QTGAL: variants seen among roughly 807,000 people sequenced by gnomAD.
QTGAL encodes the protein queuosine-tRNA galactosyltransferase, also known as BGnT-like protein 1.
chr17:82,968,052 C>T, the QTGAL span, among the ~76,000 whole-genome samples: 2 of 152,210 alleles, frequency 1.3e-5, no homozygotes, highest in African/African-American at 4.8e-5. Context: ...CAGGCAGGCT[C>T]TTAGAGAGTT....
chr17:82,999,431 A>T, the QTGAL span, among the ~76,000 whole-genome samples: 3 of 152,216 alleles, frequency 2.0e-5, no homozygotes, highest in African/African-American at 7.2e-5. Context: ...CCCCTGAACA[A>T]TGTGGGGGTT....
the QTGAL span, among the ~76,000 whole-genome samples, chr17:82,958,854 GT>G: frequency 8.7e-6 from 1 of 115,018 alleles, no homozygotes. Context: ...TACACTGGGG[GT>G]GTATGGTGTG....
the QTGAL span, among the ~76,000 whole-genome samples, chr17:83,035,715 A>T: frequency 6.6e-6 from 1 of 152,160 alleles, no homozygotes; most frequent in Non-Finnish European, 1.5e-5. Context: ...TCCTGGGAAT[A>T]TTTTTTTAAA....
chr17:82,961,239 G>A, the QTGAL span: 100 of 1,569,240 alleles, frequency 6.4e-5, no homozygotes, highest in Admixed American at 1.5e-4. Flanking sequence ...TGCCTGCCCC[G>A]GATGCACACT....
chr17:82,986,967 T>C, the QTGAL span, among the ~76,000 whole-genome samples: 1 of 152,160 alleles, frequency 6.6e-6, no homozygotes, highest in South Asian at 2.1e-4. Context: ...AACCTGACCA[T>C]ACCCCCACGA....
chr17:82,951,958 C>CACGTGGAGATGGGGAG, the QTGAL span, among the ~76,000 whole-genome samples: 66 of 151,960 alleles, frequency 4.3e-4, no homozygotes, highest in Middle Eastern at 3.4e-3. Flanking sequence ...CGAGAATTAA[C>CACGTGGAGATGGGGAG]ACGTGGAGAT....
At chr17:82,990,898 G>T in the QTGAL span, among the ~76,000 whole-genome samples, 1 of 152,088 alleles carries the variant, frequency 6.6e-6, no homozygotes, top group African/African-American at 2.4e-5. Flanking sequence ...AGAAAAGGTG[G>T]GTGTCTGCAA....
chr17:83,044,992 C>A, the QTGAL span, among the ~76,000 whole-genome samples: 1 of 150,858 alleles, frequency 6.6e-6, no homozygotes, highest in African/African-American at 2.4e-5. Context: ...AGAAGCAAAA[C>A]TATCTCTACT....
chr17:82,963,173 C>G, the QTGAL span, among the ~76,000 whole-genome samples: 2 of 152,210 alleles, frequency 1.3e-5, no homozygotes, highest in Non-Finnish European at 2.9e-5. Flanking sequence ...GCACCCAGAA[C>G]TGCCTGGAGG....
At chr17:82,995,230 G>A in the QTGAL span, among the ~76,000 whole-genome samples, 24 of 152,196 alleles carry the variant, frequency 1.6e-4, no homozygotes, top group Non-Finnish European at 2.8e-4. Flanking sequence ...AAATTGGAAA[G>A]GAAGAAGTCA....
At chr17:82,980,685 T>TAG in the QTGAL span, among the ~76,000 whole-genome samples, 40 of 152,216 alleles carry the variant, frequency 2.6e-4, no homozygotes, top group African/African-American at 9.2e-4. Context: ...GGAAGTGGTG[T>TAG]AGACGGTCTA....
the QTGAL span, among the ~76,000 whole-genome samples, chr17:83,015,307 A>G: frequency 6.6e-6 from 1 of 152,368 alleles, no homozygotes; most frequent in South Asian, 2.1e-4. The surrounding 1 kb of genome is among the most constrained non-coding windows in gnomAD (Gnocchi z 4.4). Flanking sequence ...CTGAAGATGC[A>G]CTTCCCTAAG....
chr17:83,007,093 AC>A, the QTGAL span: 1 of 596,422 alleles, frequency 1.7e-6, no homozygotes, highest in Non-Finnish European at 2.1e-6. Flanking sequence ...CCGTCTGTAC[AC>A]CCTCCTTAGT....
the QTGAL span, chr17:82,965,800 C>A: frequency 6.7e-7 from 1 of 1,497,286 alleles, no homozygotes; most frequent in Non-Finnish European, 9.2e-7. Flanking sequence ...TTGTCACAAA[C>A]AACCTGCAGT....
the QTGAL span, among the ~76,000 whole-genome samples, chr17:83,009,241 G>A: frequency 6.6e-6 from 1 of 152,046 alleles, no homozygotes; most frequent in Admixed American, 6.5e-5. Flanking sequence ...GACCAACATG[G>A]TGAAACCCTA....
At chr17:82,960,196 C>T in the QTGAL span, among the ~76,000 whole-genome samples, 1 of 152,162 alleles carries the variant, frequency 6.6e-6, no homozygotes, top group Non-Finnish European at 1.5e-5. Flanking sequence ...GCCCTCCTGC[C>T]AACCCCCCAG....
the QTGAL span, among the ~76,000 whole-genome samples, chr17:83,050,767 G>A: frequency 7.2e-5 from 11 of 152,226 alleles, no homozygotes; most frequent in Non-Finnish European, 1.6e-4. Context: ...ACGTGTTTGG[G>A]GTAAGTGTGC....
the QTGAL span, chr17:83,051,747 T>A: frequency 4.0e-6 from 6 of 1,497,210 alleles, no homozygotes; most frequent in Non-Finnish European, 5.3e-6. Flanking sequence ...CACGTGGGCC[T>A]GCATGGCCTG....
At chr17:83,049,272 AAAC>A in the QTGAL span, 1 of 153,674 alleles carries the variant, frequency 6.5e-6, no homozygotes, top group Admixed American at 6.5e-5. Context: ...AAACAAAACA[AAAC>A]AAAAAAACTG....
Sources: allele counts gnomAD v4.1 joint callset (sites outside exome capture counted in the v4.1 genomes callset), GRCh38; gene constraint gnomAD v4.1.1; non-coding constraint Gnocchi (gnomAD v3.1); transcripts MANE v1.5; gene names NCBI Gene and HGNC (gene_info 2026-07-23, HGNC 2026-07-21).